Variants in IGF2BP3 observed in about 807,000 individuals in gnomAD.
IGF2BP3 encodes the protein insulin like growth factor 2 mRNA binding protein 3, also known as insulin-like growth factor 2 mRNA-binding protein 3.
A neutral mutation model predicts 73.8 loss-of-function variants in IGF2BP3; 9 were observed. The ratio of observed to expected loss-of-function variants is 0.12; its 90% CI spans 0.07 to 0.21. The LOEUF is 0.21. IGF2BP3 is among the 10% of genes least tolerant of loss of function. The pLI, the probability that IGF2BP3 is intolerant of heterozygous loss-of-function variation, is 1.00. For missense variants in IGF2BP3, 542 were observed against 714.0 expected, an observed-to-expected ratio of 0.76 and a Z score of 2.75; for synonymous variants, 258 against 256.7, an observed-to-expected ratio of 1.01 and a Z score of -0.05.
chr7:23,418,416 G>C (rs1168960985), intron 3 of IGF2BP3, among the ~76,000 whole-genome samples: 1 of 152,202 alleles, frequency 6.6e-6, no homozygotes, highest in African/African-American at 2.4e-5. Context: ...GCACAAAATA[G>C]CAGGTATTTG....
chr7:23,326,393 C>G (rs1370369817), intron 10 of IGF2BP3, among the ~76,000 whole-genome samples: 1 of 152,020 alleles, frequency 6.6e-6, no homozygotes, highest in African/African-American at 2.4e-5. Context: ...GCTAGAATGG[C>G]AATCATTAAA....
chr7:23,341,528 T>C (rs888065203), intron 10 of IGF2BP3, among the ~76,000 whole-genome samples: 1 of 151,954 alleles, frequency 6.6e-6, no homozygotes, highest in African/African-American at 2.4e-5. Flanking sequence ...AGTAGCCGGG[T>C]GTGGTGTGGC....
intron 10 of IGF2BP3, among the ~76,000 whole-genome samples, chr7:23,320,949 A>C (rs1784124552): frequency 2.2e-5 from 1 of 45,918 alleles, no homozygotes; most frequent in Non-Finnish European, 6.0e-5. Flanking sequence ...CTCTGTCTCA[A>C]AAAAAAAAAA....
Position 23,368,957 on chromosome 7 carries a change from C to A in IGF2BP3, c.286-7216G>T, listed in dbSNP as rs141965152. Among the ~76,000 whole-genome samples the A allele has an allele frequency of 5.3e-5, 8 of 151,642 alleles. No individual in the cohort carries two copies. In the East Asian group the frequency reaches 1.5e-3, roughly 29 times the overall value. Reference sequence around the variant, plus strand: ...ATTGTACACTTTAAATGGTGAATTGCATAGTATGTGAATTATATCTCAATA... The same window carrying A: ...ATTGTACACTTTAAATGGTGAATTGAATAGTATGTGAATTATATCTCAATA... On this transcript the variant is annotated intron_variant, in intron 3 of 14. Coordinates refer to ENST00000258729, the MANE Select transcript of IGF2BP3 (RefSeq NM_006547.3).
chr7:23,396,912 T>C (rs1047193117), intron 3 of IGF2BP3, among the ~76,000 whole-genome samples: 14 of 152,198 alleles, frequency 9.2e-5, no homozygotes, highest in African/African-American at 2.4e-4. Flanking sequence ...GGTTCTCACA[T>C]TGACCCTGAA....
At chr7:23,337,200 A>G (rs1784596114) in intron 10 of IGF2BP3, among the ~76,000 whole-genome samples, 1 of 152,182 alleles carries the variant, frequency 6.6e-6, no homozygotes, top group African/African-American at 2.4e-5. Flanking sequence ...ATACTCAAAC[A>G]ACACTTGTTA....
intron 2 of IGF2BP3, among the ~76,000 whole-genome samples, chr7:23,447,128 G>C (rs1047587928): frequency 1.1e-4 from 16 of 151,270 alleles, no homozygotes; most frequent in African/African-American, 3.9e-4. Flanking sequence ...TTGAACCCGG[G>C]AGGCAGAGGA....
At chr7:23,326,493 G>C (rs1343662792) in intron 10 of IGF2BP3, among the ~76,000 whole-genome samples, 2 of 151,588 alleles carry the variant, frequency 1.3e-5, no homozygotes, top group African/African-American at 4.9e-5. Flanking sequence ...TTCAACCATT[G>C]TGGAAGTCAG....
rs35723715 is a variant in IGF2BP3 at position 23,388,607 on chromosome 7, CT to C, written c.286-26867del. 4.5e-3 allele frequency among the ~76,000 whole-genome samples: 561 copies of C among 124,018 alleles called. 1 individual carries two copies. The highest frequency in any genetic ancestry group is 9.9e-3 in the African/African-American group (333 of 33,502). The allele number at this position is 124,018 out of a possible 152,430, so 81.4% of individuals were successfully genotyped here. A position where few individuals can be genotyped will look rare whatever the true frequency, so the allele number is the denominator to read the frequency against. On this transcript the variant is annotated intron_variant, in intron 3 of 14. Coordinates refer to ENST00000258729, the MANE Select transcript of IGF2BP3 (RefSeq NM_006547.3). ...TATGCAGATGAGTGGTCTTCTCCAT[CT>C]TTTTTTTTTTTTTTTTTTTTCCAGT...
intron 3 of IGF2BP3, among the ~76,000 whole-genome samples, chr7:23,383,660 G>A (rs542337047): frequency 4.6e-5 from 7 of 152,244 alleles, no homozygotes; most frequent in Non-Finnish European, 1.0e-4. Flanking sequence ...GAAAACACAT[G>A]TTCACACAAG....
chr7:23,360,288 A>C (rs1018728754), intron 5 of IGF2BP3, among the ~76,000 whole-genome samples: 2 of 152,226 alleles, frequency 1.3e-5, no homozygotes, highest in Non-Finnish European at 2.9e-5. Context: ...AAGAGACTGG[A>C]AACAACCTAA....
At chr7:23,389,821 C>T (rs1398679989) in intron 3 of IGF2BP3, among the ~76,000 whole-genome samples, 1 of 143,640 alleles carries the variant, frequency 7.0e-6, no homozygotes, top group African/African-American at 2.8e-5. Flanking sequence ...TAGCGAGATC[C>T]CTTCTGTAAA....
At chr7:23,427,344 T>A (rs560849302) in intron 2 of IGF2BP3, among the ~76,000 whole-genome samples, 1 of 152,202 alleles carries the variant, frequency 6.6e-6, no homozygotes, top group Non-Finnish European at 1.5e-5. Context: ...GTATCTATCA[T>A]TGGCTTTTCC....
chr7:23,427,191 A>G (rs754958752), intron 2 of IGF2BP3, among the ~76,000 whole-genome samples: 7 of 152,206 alleles, frequency 4.6e-5, no homozygotes, highest in Non-Finnish European at 1.0e-4. Context: ...AACACTGGAC[A>G]GACAAAATCC....
At chr7:23,354,536 TATC>T (rs1420628669) in intron 5 of IGF2BP3, among the ~76,000 whole-genome samples, 5 of 152,316 alleles carry the variant, frequency 3.3e-5, no homozygotes, top group South Asian at 2.1e-4. Context: ...CACATACAGA[TATC>T]ATTCTCCCTG....
At chr7:23,371,775 C>G (rs1371814426) in intron 3 of IGF2BP3, among the ~76,000 whole-genome samples, 1 of 152,196 alleles carries the variant, frequency 6.6e-6, no homozygotes, top group Non-Finnish European at 1.5e-5. Context: ...TCAATGTTCA[C>G]AAGTTAGATC....
At chr7:23,468,440 GGAGT>G (rs777862490) in intron 2 of IGF2BP3, 38 bp downstream of exon 2, 82 of 1,603,200 alleles carry the variant, frequency 5.1e-5, no homozygotes, top group Non-Finnish European at 6.8e-5. Flanking sequence ...ACCCAATAAC[GGAGT>G]GAGAACAGAA....
At chr7:23,439,845 C>T (rs991647486) in intron 2 of IGF2BP3, among the ~76,000 whole-genome samples, 13 of 152,320 alleles carry the variant, frequency 8.5e-5, no homozygotes, top group South Asian at 2.1e-4. Flanking sequence ...CTCACCTTTG[C>T]ATAGTACTCA....
intron 10 of IGF2BP3, among the ~76,000 whole-genome samples, chr7:23,330,037 G>A (rs1358116611): frequency 6.6e-6 from 1 of 152,100 alleles, no homozygotes; most frequent in Admixed American, 6.6e-5. Context: ...TGTAATCCCA[G>A]CACTTTGGGA....
Sources: gnomAD v4.1 joint callset for allele counts (sites outside exome capture counted in the v4.1 genomes callset) on GRCh38, gnomAD v4.1.1 for gene constraint, MANE v1.5 for transcripts, NCBI Gene and HGNC (gene_info 2026-07-23, HGNC 2026-07-21) for gene names.